The following SLC25A25 variants were observed in gnomAD, a reference collection of about 807,000 sequenced individuals.
The protein encoded by SLC25A25 is mitochondrial adenyl nucleotide antiporter SLC25A25.
SLC25A25 carries 32 observed loss-of-function variants against 57.7 expected under a neutral mutation model. That is an observed-to-expected ratio of 0.55 (90% CI 0.42 to 0.74). The LOEUF is 0.74. Ranked by LOEUF, SLC25A25 falls within the 30% of genes least tolerant of loss-of-function variation. The probability of loss-of-function intolerance (pLI) is 0.00; values close to 1 mark genes in which losing one functional copy is unlikely to be tolerated. For missense variants in SLC25A25, 556 were observed against 701.3 expected (o/e 0.79, Z 2.34); for synonymous variants, 306 against 291.2 (o/e 1.05, Z -0.52).
Position 128,101,325 on chromosome 9 carries a change from G to A in SLC25A25, c.405G>A (p.Gln135=). ...DKKNDGRIDA[Q]EIMQSLRDLG... is the part of the protein sequence containing the mutation. ...TTCTTGCAGGACGCATTGACGCGCA[G>A]GAGATCATGCAGTCCCTGCGGGACT... Residue 135 remains glutamine (Q), a synonymous_variant, in exon 3 of 11, where the codon CAG becomes CAA. Coordinates refer to ENST00000373069, the MANE Select transcript of SLC25A25 (RefSeq NM_001330988.2). This position sits in a 1 kb window ranked among gnomAD's most constrained non-coding sequence, Gnocchi z 4.9. The A allele has an allele frequency of 1.2e-6, 2 of 1,614,260 alleles. No homozygotes were observed. The highest frequency in any genetic ancestry group is 1.7e-6 in the Non-Finnish European group (2 of 1,180,050).
chr9:128,102,485 AGCCCCACGTGCCCAGG>A lies in SLC25A25; in HGVS notation c.624+9_624+24del. 6.2e-7 allele frequency: 1 copy of A among 1,610,854 alleles called. No individual in the cohort carries two copies. The highest frequency in any genetic ancestry group is 1.7e-5 in the Admixed American group (1 of 59,928). Reference sequence around the variant, plus strand: ...CCTCTACTGGAAGCATTCCACGGTGAGCCCCACGTGCCCAGGGCCCTCATCTGCTCCCAGGGACCCT... The same window carrying A: ...CCTCTACTGGAAGCATTCCACGGTGAGCCCTCATCTGCTCCCAGGGACCCT... On this transcript the variant is annotated splice_donor_5th_base_variant and intron_variant, in intron 5 of 10. Transcript: ENST00000373069. This position sits in a 1 kb window ranked among gnomAD's most constrained non-coding sequence, Gnocchi z 4.1.
chr9:128,105,093 A>G (rs1015388085), intron 6 of SLC25A25, among the ~76,000 whole-genome samples: 2 of 142,888 alleles, frequency 1.4e-5, no homozygotes, highest in Non-Finnish European at 3.0e-5. Context: ...TCCTCACCTC[A>G]TGTGATCTGC....
In SLC25A25 at chr9:128,103,777, G is replaced by T. The variant is rs1248228963; in HGVS notation, c.721G>T (p.Gly241Trp). The change falls in exon 6 of 11, where the codon GGG becomes TGG. Residue 241 changes from glycine (G) to tryptophan (W), a missense_variant. This residue lies in a region of SLC25A25 where 294 missense variants were observed against 389.6 expected (regional missense o/e 0.75). Coordinates refer to ENST00000373069, the MANE Select transcript of SLC25A25 (RefSeq NM_001330988.2). The surrounding 1 kb of genome is among the most constrained non-coding windows in gnomAD (Gnocchi z 6.7). The part of the protein sequence containing the change: ...MWWRHLVAGG[G>W]AGAVSRTCTA... ...GTGGAGACACCTGGTGGCAGGAGGT[G>T]GGGCAGGGGCCGTATCCAGAACCTG... 1.6e-5 allele frequency: 26 copies of T among 1,613,816 alleles called. No homozygotes were observed. The highest frequency in any genetic ancestry group is 3.3e-5 in the South Asian group (3 of 91,068).
intron 1 of SLC25A25, among the ~76,000 whole-genome samples, chr9:128,096,020 C>G (rs1284197878): frequency 6.6e-5 from 10 of 152,122 alleles, no homozygotes; most frequent in Admixed American, 6.5e-4. Context: ...ATTAGAATGA[C>G]TGCAGTCATC....
rs1833781825 is a variant in SLC25A25, at chr9:128,101,253, C to T, written c.388+31C>T. 1 of 1,614,138 alleles carries T rather than the reference C, an allele frequency of 6.2e-7. No homozygotes were observed. The highest frequency in any genetic ancestry group is 8.5e-7 in the Non-Finnish European group (1 of 1,180,050). On this transcript the variant is annotated intron_variant, in intron 2 of 10. Coordinates refer to ENST00000373069, the MANE Select transcript of SLC25A25 (RefSeq NM_001330988.2). This position sits in a 1 kb window ranked among gnomAD's most constrained non-coding sequence, Gnocchi z 4.9. ...TGTTGCCTTCAGAGCTGTGGCCGGT[C>T]CAGCCTCGGGCCTCCCCGTGCGCCT...
chr9:128,089,392 A>C (rs1264940398), intron 1 of SLC25A25, among the ~76,000 whole-genome samples: 1 of 152,174 alleles, frequency 6.6e-6, no homozygotes, highest in Non-Finnish European at 1.5e-5. Flanking sequence ...TCCATTTTGC[A>C]CATAAGGCTA....
At chr9:128,097,915 T>G (rs750715672) in intron 1 of SLC25A25, among the ~76,000 whole-genome samples, 26 of 152,306 alleles carry the variant, frequency 1.7e-4, no homozygotes, top group Middle Eastern at 6.8e-3. Flanking sequence ...CAGCTAGAAC[T>G]GTGCCTGGAG....
Position 128,107,310 on chromosome 9 carries a change from A to G in SLC25A25, c.1414A>G (p.Ile472Val). The part of the protein sequence containing the change: ...EVTMSSLFKH[I>V]LRTEGAFGLY... ...GACCATGAGCAGCCTCTTCAAACATATCCTGCGGACCGAGGGGGCCTTCGG... is the reference window on the plus strand; with the variant it reads ...GACCATGAGCAGCCTCTTCAAACATGTCCTGCGGACCGAGGGGGCCTTCGG... Residue 472 changes from isoleucine (I) to valine (V), a missense_variant, in exon 11 of 11, where the codon ATC becomes GTC. By Grantham distance (29) the Ile-to-Val change is conservative (BLOSUM62 3). This residue lies in a region of SLC25A25 where 294 missense variants were observed against 389.6 expected (regional missense o/e 0.75). Transcript: ENST00000373069. 1 of 1,562,912 alleles carries G rather than the reference A, an allele frequency of 6.4e-7. No individual in the cohort carries two copies.
chr9:128,107,278 C>T lies in SLC25A25; in HGVS notation c.1382C>T (p.Pro461Leu), dbSNP rs373230180. ...CCTGCAGCCTCTATTGAGGGCGCTC[C>T]GGAGGTGACCATGAGCAGCCTCTTC... ...MQAQASIEGA[P>L]EVTMSSLFKH... The change falls in exon 11 of 11, where the codon CCG becomes CTG. Residue 461 changes from proline (P) to leucine (L), a missense_variant. This residue lies in a region of SLC25A25 where 294 missense variants were observed against 389.6 expected (regional missense o/e 0.75). Coordinates refer to ENST00000373069, the MANE Select transcript of SLC25A25 (RefSeq NM_001330988.2). 21 of 1,590,478 alleles carry T rather than the reference C, an allele frequency of 1.3e-5. No individual in the cohort carries two copies. The highest frequency in any genetic ancestry group is 4.0e-5 in the African/African-American group (3 of 74,402).
chr9:128,084,936 A>G (rs1833242617), intron 1 of SLC25A25, among the ~76,000 whole-genome samples: 1 of 152,208 alleles, frequency 6.6e-6, no homozygotes, highest in South Asian at 2.1e-4. Flanking sequence ...ATCCTTGGAT[A>G]TGGGTGATTC....
rs1305299660 is a variant in SLC25A25 at position 128,091,558 on chromosome 9, TTTTA to T, written c.262-9537_262-9534del. ...GCGTTTTCCTTTTCTTTTTTTTTTT[TTTTA>T]AAAAAAAGCCAAACGTTTGCTCACC... is the stretch of plus-strand genomic sequence containing the variant. On this transcript the variant is annotated intron_variant, in intron 1 of 10. Transcript: ENST00000373069. 27 of 945,112 alleles carry T rather than the reference TTTTA, an allele frequency of 2.9e-5. No individual in the cohort carries two copies. The Admixed American group carries it at 1.3e-3, about 47-fold the overall frequency. The allele number at this position is 945,112 out of a possible 1,614,324, so 58.5% of individuals were successfully genotyped here.
In SLC25A25 at chr9:128,068,535, G is replaced by A. The variant is rs1832831755; in HGVS notation, c.216G>A (p.Val72=). 6.7e-7 allele frequency: 1 copy of A among 1,486,590 alleles called. No individual in the cohort carries two copies. Among genetic ancestry groups the A allele is most frequent in the South Asian group, 1.3e-5 (1 of 76,724 alleles). The allele number at this position is 1,486,590 out of a possible 1,614,324, so 92.1% of individuals were successfully genotyped here. Residue 72 remains valine (V), a synonymous_variant, in exon 1 of 11, where the codon GTG becomes GTA. Coordinates refer to ENST00000373069, the MANE Select transcript of SLC25A25 (RefSeq NM_001330988.2). ...DGGLCVNDLA[V]GLRRLGLHRT... ...GCCTGTGTGTCAACGACCTGGCGGT[G>A]GGGCTGCGGCGCCTGGGACTGCACC...
intron 1 of SLC25A25, among the ~76,000 whole-genome samples, chr9:128,097,242 G>A (rs573067972): frequency 2.6e-5 from 4 of 152,264 alleles, no homozygotes; most frequent in Admixed American, 6.5e-5. Flanking sequence ...CTCTTCCTCC[G>A]CAGCACGAAT....
rs144957104 is a variant in SLC25A25 at position 128,104,887 on chromosome 9, C to T, written c.784-842C>T. Among the ~76,000 whole-genome samples, 671 of 149,608 alleles carry T rather than the reference C, an allele frequency of 4.5e-3. 6 individuals carry two copies. The highest frequency in any genetic ancestry group is 0.036 in the East Asian group (185 of 5,130). On this transcript the variant is annotated intron_variant, in intron 6 of 10. Coordinates refer to ENST00000373069, the MANE Select transcript of SLC25A25 (RefSeq NM_001330988.2). ...ATTATTATATTTTTTGAGACAGTCT[C>T]GCTCTGTCACCCAGGCTAGAGTACA...
rs575463588 is a variant in SLC25A25 at position 128,091,868 on chromosome 9, G to A, written c.262-9228G>A. 1.6e-5 allele frequency: 26 copies of A among 1,606,784 alleles called. No homozygotes were observed. The African/African-American group carries it at 2.1e-4, about 13-fold the overall frequency. ...CCATCAGAGGCGTTTGGAGGAGACC[G>A]TGATGTTGCAGATGCTGTGGCATTT... On this transcript the variant is annotated intron_variant, in intron 1 of 10. Transcript: ENST00000373069.
At chr9:128,079,452 A>G (rs1833091743) in intron 1 of SLC25A25, among the ~76,000 whole-genome samples, 1 of 148,264 alleles carries the variant, frequency 6.7e-6, no homozygotes, top group Admixed American at 6.7e-5. Context: ...AGGGTAGTTT[A>G]GATCACCAAG....
At position 128,108,603 on chromosome 9, in the gene SLC25A25, T is replaced by C. The variant is rs1834146062; in HGVS notation, c.*1159T>C. 5.5e-6 allele frequency: 1 copy of C among 182,756 alleles called. No homozygotes were observed. The highest frequency in any genetic ancestry group is 2.3e-5 in the African/African-American group (1 of 42,760). The allele number at this position is 182,756 out of a possible 1,614,324, so 11.3% of individuals were successfully genotyped here. On this transcript the variant is annotated 3_prime_UTR_variant, in exon 11 of 11. Coordinates refer to ENST00000373069, the MANE Select transcript of SLC25A25 (RefSeq NM_001330988.2). ...AGCTTGTCATTTTCAAGTTCATTTT[T>C]TATTCATATTTATGTTCATGGTTGA...
rs534863013 is a variant in SLC25A25 at position 128,098,362 on chromosome 9, C to T, written c.262-2734C>T. 24 of 974,400 alleles carry T rather than the reference C, an allele frequency of 2.5e-5. No individual in the cohort carries two copies. The East Asian group carries it at 4.9e-4, about 20-fold the overall frequency. The allele number at this position is 974,400 out of a possible 1,614,324, so 60.4% of individuals were successfully genotyped here. On this transcript the variant is annotated intron_variant, in intron 1 of 10. Transcript: ENST00000373069. The stretch of plus-strand genomic sequence containing the variant: ...CTTGAGCAACCTGATGCCACCTTCT[C>T]CCCCGGGCTCTGTGTTCATTGGCTG...
At position 128,101,707 on chromosome 9, in the gene SLC25A25, C is replaced by T. The variant is rs1250067103; in HGVS notation, c.476+311C>T. Reference sequence around the variant, plus strand: ...ACCTGTGCGTGTGGAGGGGGCGGGGCGGGGCGGGGGGCTCACACTGCAGCC... The same window carrying T: ...ACCTGTGCGTGTGGAGGGGGCGGGGTGGGGCGGGGGGCTCACACTGCAGCC... On this transcript the variant is annotated intron_variant, in intron 3 of 10. Coordinates refer to ENST00000373069, the MANE Select transcript of SLC25A25 (RefSeq NM_001330988.2). This position sits in a 1 kb window ranked among gnomAD's most constrained non-coding sequence, Gnocchi z 4.9. Among the ~76,000 whole-genome samples, 2 of 31,634 alleles carry T rather than the reference C, an allele frequency of 6.3e-5. No homozygotes were observed. The highest frequency in any genetic ancestry group is 2.5e-4 in the African/African-American group (2 of 8,152). 20.8% of individuals were successfully genotyped at this position (31,634 alleles called of 152,430 possible). A position where few individuals can be genotyped will look rare whatever the true frequency, so the allele number is the denominator to read the frequency against.
Sources: allele counts gnomAD v4.1 joint callset (sites outside exome capture counted in the v4.1 genomes callset), GRCh38; gene constraint gnomAD v4.1.1; regional missense constraint gnomAD v4.1.1; non-coding constraint Gnocchi (gnomAD v3.1); transcripts MANE v1.5; gene names NCBI Gene and HGNC (gene_info 2026-07-23, HGNC 2026-07-21).